Variants in PHF24 observed in about 807,000 individuals in gnomAD.
The protein encoded by PHF24 is PHD finger protein 24, also known as Galpha inhibitory interacting protein.
Under a neutral mutation model 42.6 loss-of-function variants are expected in PHF24, and 25 were observed. The ratio of observed to expected loss-of-function variants is 0.59; its 90% CI spans 0.43 to 0.82. The LOEUF (loss-of-function observed/expected upper bound fraction) is 0.82. PHF24 is among the 40% of genes least tolerant of loss of function. PHF24 has a pLI of 0.00. For missense variants in PHF24, 470 were observed against 538.1 expected, an observed-to-expected ratio of 0.87 and a Z score of 1.25; for synonymous variants, 185 against 204.8, an observed-to-expected ratio of 0.90 and a Z score of 0.83.
the PHF24 span, chr9:34,690,095 T>C: frequency 6.3e-7 from 1 of 1,589,626 alleles, no homozygotes; most frequent in Non-Finnish European, 8.6e-7. Context: ...GGGAACCTGT[T>C]TCAGGGATTT....
chr9:34,865,491 G>T, the PHF24 span, among the ~76,000 whole-genome samples: 1 of 152,092 alleles, frequency 6.6e-6, no homozygotes, highest in Non-Finnish European at 1.5e-5. Flanking sequence ...TTAAATCCAG[G>T]AGGCAGAGGT....
the PHF24 span, among the ~76,000 whole-genome samples, chr9:34,898,829 C>CTACT: frequency 6.6e-6 from 1 of 152,208 alleles, no homozygotes; most frequent in East Asian, 1.9e-4. Flanking sequence ...TGCCAGTGCA[C>CTACT]TACTTACCTC....
chr9:34,937,952 G>C, the PHF24 span, among the ~76,000 whole-genome samples: 1 of 152,114 alleles, frequency 6.6e-6, no homozygotes, highest in Non-Finnish European at 1.5e-5. Context: ...CTGTGTCCAC[G>C]TGAGAATCAG....
chr9:34,866,475 C>T, the PHF24 span, among the ~76,000 whole-genome samples: 1 of 152,250 alleles, frequency 6.6e-6, no homozygotes, highest in East Asian at 1.9e-4. Flanking sequence ...GTCTGAGAAC[C>T]TCAGGGAAGG....
the PHF24 span, among the ~76,000 whole-genome samples, chr9:34,767,288 C>T: frequency 1.3e-5 from 2 of 152,234 alleles, no homozygotes; most frequent in Admixed American, 1.3e-4. Context: ...TTTTGTTTGT[C>T]CGTGCCCTTC....
the PHF24 span, among the ~76,000 whole-genome samples, chr9:34,775,966 AT>A: frequency 2.4e-4 from 36 of 152,366 alleles, no homozygotes; most frequent in South Asian, 6.2e-4. Flanking sequence ...CCTTGAAAAG[AT>A]GCAAAGTAAA....
the PHF24 span, among the ~76,000 whole-genome samples, chr9:34,943,962 A>G: frequency 6.6e-6 from 1 of 152,202 alleles, no homozygotes; most frequent in African/African-American, 2.4e-5. Context: ...GGTGAACTAT[A>G]TGTCTTCTGA....
chr9:34,721,206 C>G, the PHF24 span, among the ~76,000 whole-genome samples: 1 of 152,194 alleles, frequency 6.6e-6, no homozygotes, highest in Non-Finnish European at 1.5e-5. Flanking sequence ...AGCAGTTCTC[C>G]CCTTGAGCTC....
chr9:34,969,733 C>G (rs765577913), intron 1 of PHF24, among the ~76,000 whole-genome samples: 43 of 152,260 alleles, frequency 2.8e-4, no homozygotes, highest in South Asian at 1.0e-3. Context: ...TTCCCTAATT[C>G]TATTTCCATG....
At chr9:34,751,588 A>G in the PHF24 span, among the ~76,000 whole-genome samples, 5 of 152,258 alleles carry the variant, frequency 3.3e-5, no homozygotes, top group African/African-American at 9.6e-5. Flanking sequence ...GATAGATCCC[A>G]GTATAATAAT....
At chr9:34,761,638 G>T in the PHF24 span, among the ~76,000 whole-genome samples, 1,748 of 152,204 alleles carry the variant, frequency 0.011, 23 homozygotes, top group Middle Eastern at 0.027. Flanking sequence ...GGTGGTCAGG[G>T]TATGGCATGG....
At chr9:34,887,415 T>C in the PHF24 span, among the ~76,000 whole-genome samples, 2 of 152,188 alleles carry the variant, frequency 1.3e-5, no homozygotes, top group African/African-American at 4.8e-5. Flanking sequence ...CTACCAGGCC[T>C]TATACCATGT....
At chr9:34,806,516 T>G in the PHF24 span, among the ~76,000 whole-genome samples, 1 of 152,318 alleles carries the variant, frequency 6.6e-6, no homozygotes, top group South Asian at 2.1e-4. Flanking sequence ...TGGAGTGCAG[T>G]GGCACGATCT....
the PHF24 span, among the ~76,000 whole-genome samples, chr9:34,918,863 C>T: frequency 9.9e-5 from 15 of 152,172 alleles, no homozygotes; most frequent in African/African-American, 3.6e-4. Flanking sequence ...ATGAGTCCCA[C>T]ACTACTGTGA....
At chr9:34,709,740 G>A in the PHF24 span, 24 of 1,149,554 alleles carry the variant, frequency 2.1e-5, no homozygotes, top group East Asian at 5.5e-5. Flanking sequence ...TCCCCACCCC[G>A]TCACCAGCCA....
At chr9:34,762,145 T>C in the PHF24 span, among the ~76,000 whole-genome samples, 8 of 152,120 alleles carry the variant, frequency 5.3e-5, no homozygotes, top group African/African-American at 1.4e-4. Context: ...TGAATAGTGC[T>C]GCAATAAACA....
At chr9:34,902,711 T>C in the PHF24 span, among the ~76,000 whole-genome samples, 1 of 152,238 alleles carries the variant, frequency 6.6e-6, no homozygotes, top group Non-Finnish European at 1.5e-5. Flanking sequence ...AAAAATGTTT[T>C]CAGTAGCTGT....
the PHF24 span, among the ~76,000 whole-genome samples, chr9:34,900,229 A>G: frequency 9.0e-5 from 13 of 144,154 alleles, no homozygotes; most frequent in Admixed American, 6.2e-4. Context: ...CTTTGGGAAA[A>G]AAGAGAGACC....
the PHF24 span, chr9:34,833,448 G>A: frequency 6.5e-7 from 1 of 1,550,196 alleles, no homozygotes; most frequent in African/African-American, 1.4e-5. Flanking sequence ...TTAGGGGCAG[G>A]AAGAGTGTCT....
Sources: gnomAD v4.1 joint callset for allele counts (sites outside exome capture counted in the v4.1 genomes callset) on GRCh38, gnomAD v4.1.1 for gene constraint, MANE v1.5 for transcripts, NCBI Gene and HGNC (gene_info 2026-07-23, HGNC 2026-07-21) for gene names.